Variants in PSD3 observed in about 807,000 individuals in gnomAD.
PSD3 encodes the protein PH and SEC7 domain-containing protein 3.
In PSD3, 49 loss-of-function variants were observed where a neutral mutation model predicts 105.5. The observed-to-expected ratio is 0.46, with a 90% confidence interval of 0.37 to 0.59. The LOEUF (loss-of-function observed/expected upper bound fraction) is 0.59, where lower values mean the gene tolerates loss of function less well. Ranked by LOEUF, PSD3 falls within the 20% of genes least tolerant of loss-of-function variation. The probability of loss-of-function intolerance (pLI) is 0.00; values close to 1 mark genes in which losing one functional copy is unlikely to be tolerated. For missense variants in PSD3, 1,561 were observed against 1,263.8 expected, an observed-to-expected ratio of 1.24 and a Z score of -3.57; for synonymous variants, 557 against 457.8, an observed-to-expected ratio of 1.22 and a Z score of -2.77.
chr8:18,704,181 T>C (rs1042816087), intron 9 of PSD3, among the ~76,000 whole-genome samples: 4 of 152,180 alleles, frequency 2.6e-5, no homozygotes, highest in Admixed American at 1.3e-4. Flanking sequence ...AAAAATGCCA[T>C]AGCTTCACAC....
At chr8:18,548,163 A>T (rs777751302) in intron 15 of PSD3, among the ~76,000 whole-genome samples, 4 of 152,072 alleles carry the variant, frequency 2.6e-5, no homozygotes, top group Admixed American at 1.3e-4. Flanking sequence ...TGGGTTGTTA[A>T]ATAATTTCTC....
intron 4 of PSD3, among the ~76,000 whole-genome samples, chr8:18,819,164 A>G (rs1812479043): frequency 6.6e-6 from 1 of 152,212 alleles, no homozygotes; most frequent in Non-Finnish European, 1.5e-5. Flanking sequence ...CCACTGCACC[A>G]TTGTATACAG....
intron 1 of PSD3, among the ~76,000 whole-genome samples, chr8:18,963,637 T>C (rs1488273773): frequency 6.6e-6 from 1 of 152,146 alleles, no homozygotes; most frequent in African/African-American, 2.4e-5. Context: ...GAATTTCTGC[T>C]ATACAACGCT....
At chr8:18,910,615 T>A in intron 2 of PSD3, among the ~76,000 whole-genome samples, 1 of 109,872 alleles carries the variant, frequency 9.1e-6, no homozygotes, top group Admixed American at 1.1e-4. Context: ...TGTGCACATG[T>A]ACCCTAAAAC....
intron 2 of PSD3, among the ~76,000 whole-genome samples, chr8:18,933,342 G>T (rs1368148366): frequency 6.6e-6 from 1 of 151,344 alleles, no homozygotes; most frequent in African/African-American, 2.4e-5. Context: ...TAGACATTTG[G>T]TATTATCTCT....
chr8:18,664,398 A>G (rs530094184), intron 9 of PSD3, among the ~76,000 whole-genome samples: 1 of 152,394 alleles, frequency 6.6e-6, no homozygotes, highest in South Asian at 2.1e-4. Flanking sequence ...TAGCCACAAC[A>G]TTCCCTTAAG....
chr8:18,797,925 C>G (rs1810331381), intron 8 of PSD3, among the ~76,000 whole-genome samples: 1 of 152,006 alleles, frequency 6.6e-6, no homozygotes, highest in South Asian at 2.1e-4. Context: ...TATATGTGGC[C>G]AAACGCACTC....
chr8:18,917,825 G>A (rs1325812622), intron 2 of PSD3, among the ~76,000 whole-genome samples: 1 of 152,130 alleles, frequency 6.6e-6, no homozygotes, highest in Non-Finnish European at 1.5e-5. Context: ...GCAACACCGT[G>A]GAACCAACAT....
intron 9 of PSD3, among the ~76,000 whole-genome samples, chr8:18,671,877 C>A (rs142560606): frequency 6.6e-6 from 1 of 152,074 alleles, no homozygotes; most frequent in Non-Finnish European, 1.5e-5. Flanking sequence ...GTTATCCGCC[C>A]GCCTTGGCCT....
At chr8:18,925,389 G>GTATATA (rs34212482) in intron 2 of PSD3, among the ~76,000 whole-genome samples, 1,821 of 147,740 alleles carry the variant, frequency 0.012, 47 homozygotes, top group African/African-American at 0.043. Flanking sequence ...ATCTCTAAAA[G>GTATATA]TATATATATA....
chr8:18,627,105 A>G (rs1389037702), intron 11 of PSD3, among the ~76,000 whole-genome samples: 1 of 152,122 alleles, frequency 6.6e-6, no homozygotes, highest in Non-Finnish European at 1.5e-5. Flanking sequence ...GACATTTCAA[A>G]ACAGAAAACA....
chr8:18,734,152 G>A (rs1803978143), intron 9 of PSD3: 1 of 152,144 alleles, frequency 6.6e-6, no homozygotes, highest in Non-Finnish European at 1.5e-5. Context: ...GACAAAAGTA[G>A]AAAATATCAC....
At chr8:19,026,381 T>G (rs777233431) in intron 1 of PSD3, among the ~76,000 whole-genome samples, 2 of 152,166 alleles carry the variant, frequency 1.3e-5, no homozygotes, top group Non-Finnish European at 2.9e-5. Context: ...CTCAGAGGTT[T>G]TTTTTTGTAA....
intron 9 of PSD3, among the ~76,000 whole-genome samples, chr8:18,755,429 C>CAACATAACGTAACATAACAT (rs1805945585): frequency 7.3e-6 from 1 of 136,786 alleles, no homozygotes; most frequent in Non-Finnish European, 1.6e-5. Context: ...GACCCTGTCT[C>CAACATAACGTAACATAACAT]AACATAACAT....
chr8:18,669,363 G>A (rs1799650360), intron 9 of PSD3, among the ~76,000 whole-genome samples: 1 of 152,120 alleles, frequency 6.6e-6, no homozygotes, highest in Non-Finnish European at 1.5e-5. Context: ...ATGCTTATAA[G>A]GTTGAATTTG....
At chr8:18,879,880 G>A (rs1818005357) in intron 2 of PSD3, among the ~76,000 whole-genome samples, 1 of 152,046 alleles carries the variant, frequency 6.6e-6, no homozygotes, top group African/African-American at 2.4e-5. Flanking sequence ...ATTACGGCGT[G>A]AACTAACGCA....
At chr8:18,699,693 T>G (rs980220448) in intron 9 of PSD3, among the ~76,000 whole-genome samples, 1 of 152,176 alleles carries the variant, frequency 6.6e-6, no homozygotes, top group African/African-American at 2.4e-5. Context: ...AGAATTCAAA[T>G]GATATAAAAA....
intron 1 of PSD3, among the ~76,000 whole-genome samples, chr8:18,947,130 A>G (rs1421768121): frequency 6.6e-6 from 1 of 152,140 alleles, no homozygotes; most frequent in Non-Finnish European, 1.5e-5. Flanking sequence ...CATCAAGTAA[A>G]AAAGTAAAAC....
chr8:18,952,839 A>G (rs890373842), intron 1 of PSD3, among the ~76,000 whole-genome samples: 1 of 152,212 alleles, frequency 6.6e-6, no homozygotes, highest in African/African-American at 2.4e-5. Flanking sequence ...TAAGAATCCA[A>G]ACAACTTATT....
Sources: allele counts gnomAD v4.1 joint callset (sites outside exome capture counted in the v4.1 genomes callset), GRCh38; gene constraint gnomAD v4.1.1; transcripts MANE v1.5; gene names NCBI Gene and HGNC (gene_info 2026-07-23, HGNC 2026-07-21).